The following ZFPM1 variants were observed in gnomAD, a reference collection of about 807,000 sequenced individuals.
The protein encoded by ZFPM1 is zinc finger protein, FOG family member 1.
In ZFPM1, 28 loss-of-function variants were observed where a neutral mutation model predicts 46.3. The ratio of observed to expected loss-of-function variants is 0.60; its 90% CI spans 0.45 to 0.83. The LOEUF is 0.83. Ranked by LOEUF, ZFPM1 falls within the 40% of genes least tolerant of loss-of-function variation. The pLI is 0.00. For synonymous variants in ZFPM1, 957 were observed against 675.9 expected (o/e 1.42, Z -6.45); for missense variants, 1,878 against 1,432.4 (o/e 1.31, Z -5.02).
chr16:88,458,893 G>T (rs1010103866), intron 1 of ZFPM1, among the ~76,000 whole-genome samples: 1 of 152,268 alleles, frequency 6.6e-6, no homozygotes, highest in East Asian at 1.9e-4. Flanking sequence ...GGTCATCTGC[G>T]CCCTGCCTGG....
chr16:88,532,544 G>A (rs945176940), intron 7 of ZFPM1, 70 bp from the exon 8 acceptor site: 3 of 1,477,348 alleles, frequency 2.0e-6, no homozygotes, highest in Non-Finnish European at 1.8e-6. Context: ...GGGCCCAGTC[G>A]CCTTCCTCAT....
intron 3 of ZFPM1, among the ~76,000 whole-genome samples, chr16:88,513,537 G>T (rs1218645589): frequency 1.3e-5 from 2 of 152,190 alleles, no homozygotes; most frequent in African/African-American, 4.8e-5. Flanking sequence ...AGAGGTAGAG[G>T]TGGCCCGGCC....
intron 3 of ZFPM1, among the ~76,000 whole-genome samples, chr16:88,501,119 AGACATGGATGCGGGGGCCATCCCGCAG>A (rs1567540938): frequency 9.6e-5 from 11 of 114,666 alleles, no homozygotes; most frequent in African/African-American, 3.7e-4. Context: ...TGGAGATAGC[AGACATGGATGCGGGGGCCATCCCGCAG>A]GTGCTGGTGA....
intron 1 of ZFPM1, among the ~76,000 whole-genome samples, chr16:88,460,067 T>G (rs140972506): frequency 1.3e-5 from 2 of 151,882 alleles, no homozygotes; most frequent in African/African-American, 4.8e-5. Flanking sequence ...CCCCAGGCTG[T>G]GTGGCCTTGG....
intron 4 of ZFPM1, among the ~76,000 whole-genome samples, chr16:88,523,982 C>T (rs1337995834): frequency 1.3e-5 from 2 of 152,214 alleles, no homozygotes; most frequent in African/African-American, 2.4e-5. Flanking sequence ...GTGCGTGCAG[C>T]GTCAGCACAG....
chr16:88,519,688 T>C (rs945554406), intron 4 of ZFPM1, among the ~76,000 whole-genome samples: 2 of 11,402 alleles, frequency 1.8e-4, no homozygotes, highest in Non-Finnish European at 3.3e-4. Flanking sequence ...GATGGGAGGG[T>C]GGGTGGGTGG....
intron 2 of ZFPM1, among the ~76,000 whole-genome samples, chr16:88,486,618 T>C (rs1909240534): frequency 6.7e-6 from 1 of 150,362 alleles, no homozygotes; most frequent in Admixed American, 6.6e-5. Flanking sequence ...AGATGGGTGC[T>C]GGGTGCACAG....
rs144865252 is a variant in ZFPM1, at chr16:88,496,963, C to T, written c.268+7810C>T. On this transcript the variant is annotated intron_variant, in intron 3 of 9. Transcript: ENST00000319555. The stretch of plus-strand genomic sequence containing the variant: ...GGACATGGGGCTGGGACTTGGGCAG[C>T]GCTGCCTGTGGGTGGGGGGCTGCCA... Among the ~76,000 whole-genome samples, 270 of 152,232 alleles carry T rather than the reference C, an allele frequency of 1.8e-3. 1 individual carries two copies. The highest frequency in any genetic ancestry group is 6.8e-3 in the Middle Eastern group (2 of 294).
intron 1 of ZFPM1, among the ~76,000 whole-genome samples, chr16:88,455,270 G>C (rs1205572644): frequency 6.6e-6 from 1 of 152,178 alleles, no homozygotes; most frequent in Non-Finnish European, 1.5e-5. Flanking sequence ...GCGCCAGCGA[G>C]AGCCCGTAGC....
intron 3 of ZFPM1, among the ~76,000 whole-genome samples, chr16:88,495,038 G>A (rs138395620): frequency 4.7e-4 from 72 of 152,336 alleles, no homozygotes; most frequent in African/African-American, 1.6e-3. Context: ...CTCGGGAGCA[G>A]CTCGGCCGTG....
At chr16:88,467,202 T>C (rs1055574316) in intron 1 of ZFPM1, among the ~76,000 whole-genome samples, 4 of 152,140 alleles carry the variant, frequency 2.6e-5, no homozygotes, top group African/African-American at 9.7e-5. Context: ...TCCAAGAGTC[T>C]ACCCCTTGTC....
At chr16:88,470,746 T>G (rs1233254625) in intron 1 of ZFPM1, among the ~76,000 whole-genome samples, 1 of 19,848 alleles carries the variant, frequency 5.0e-5, no homozygotes. Context: ...GAGGGCCGGG[T>G]GGTGACGCTG....
At chr16:88,514,758 G>T (rs72807417) in intron 4 of ZFPM1, among the ~76,000 whole-genome samples, 1,836 of 152,324 alleles carry the variant, frequency 0.012, 15 homozygotes, top group Non-Finnish European at 0.019. Context: ...TGGAGGAGGG[G>T]TTCTTTAAGC....
chr16:88,484,704 G>C (rs886921281), intron 1 of ZFPM1, among the ~76,000 whole-genome samples: 61 of 152,220 alleles, frequency 4.0e-4, no homozygotes, highest in African/African-American at 1.4e-3. Flanking sequence ...TGGGGACCTG[G>C]GGAGCAGTCA....
intron 1 of ZFPM1, among the ~76,000 whole-genome samples, chr16:88,483,418 C>T (rs1438299590): frequency 6.6e-6 from 1 of 152,224 alleles, no homozygotes; most frequent in East Asian, 1.9e-4. Flanking sequence ...CCCGACCTCC[C>T]CTTCCTCCAC....
chr16:88,464,456 C>T (rs1908038820), intron 1 of ZFPM1, among the ~76,000 whole-genome samples: 3 of 152,260 alleles, frequency 2.0e-5, no homozygotes, highest in Admixed American at 2.0e-4. Context: ...CTTTCCACTT[C>T]GTGGGCCTGG....
At chr16:88,516,585 G>C in intron 4 of ZFPM1, 4 of 398,634 alleles carry the variant, frequency 1.0e-5, no homozygotes, top group Non-Finnish European at 1.3e-5. Flanking sequence ...CCTTGGCGCC[G>C]AGTGTCCAGA....
chr16:88,517,540 ATGAGTGGG>A (rs927965847), intron 4 of ZFPM1, among the ~76,000 whole-genome samples: 2 of 143,952 alleles, frequency 1.4e-5, no homozygotes, highest in Non-Finnish European at 1.5e-5. Context: ...GGGTGGATGG[ATGAGTGGG>A]TGAGTGGGTG....
chr16:88,532,514 CCGGCACAGATCA>C, intron 7 of ZFPM1, 88 bp from the exon 8 acceptor site: 2 of 1,281,664 alleles, frequency 1.6e-6, no homozygotes, highest in Non-Finnish European at 2.2e-6. Context: ...ACAGGGTCCC[CCGGCACAGATCA>C]CGGCCCTGGG....
Sources: gnomAD v4.1 joint callset for allele counts (sites outside exome capture counted in the v4.1 genomes callset) on GRCh38, gnomAD v4.1.1 for gene constraint, MANE v1.5 for transcripts, NCBI Gene and HGNC (gene_info 2026-07-23, HGNC 2026-07-21) for gene names.